The following OBSL1 variants were observed in gnomAD, a reference collection of about 807,000 sequenced individuals.
The protein encoded by OBSL1 is obscurin like cytoskeletal adaptor 1.
OBSL1 carries 160 observed loss-of-function variants against 172.0 expected under a neutral mutation model. The observed-to-expected ratio is 0.93, with a 90% CI of 0.82 to 1.06. The LOEUF is 1.06. OBSL1 is among the 50% of genes least tolerant of loss of function. The pLI is 0.00. For missense variants in OBSL1, 2,681 were observed against 2,715.4 expected (o/e 0.99, Z 0.28); for synonymous variants, 1,200 against 1,196.3 (o/e 1.00, Z -0.06).
Position 219,571,068 on chromosome 2 carries a change from C to T in OBSL1, c.165G>A (p.Ser55=). 1 of 1,465,512 alleles carries T rather than the reference C, an allele frequency of 6.8e-7. No individual in the cohort carries two copies. Among genetic ancestry groups the T allele is most frequent in the East Asian group, 3.0e-5 (1 of 33,612 alleles). 90.8% of individuals were successfully genotyped at this position (1,465,512 alleles called of 1,614,324 possible). ...CGTCCGCCGGGAAGCTCAGGCGTTC[C>T]GAGGCCGCCAGCTGCTGCCCGCCCT... ...WEKGGQQLAA[S]ERLSFPADGA... is the part of the protein sequence containing the mutation. Residue 55 remains serine (S), a synonymous_variant, in exon 1 of 21, where the codon TCG becomes TCA. Transcript: ENST00000404537.
At chr2:219,549,694 C>T (rs768104920), downstream of OBSL1, 2 of 1,611,692 alleles carry the variant, frequency 1.2e-6, no homozygotes, top group African/African-American at 1.3e-5. Context: ...GTGGGACTCA[C>T]ACCTATGTTT....
At chr2:219,556,885 A>G in intron 12 of OBSL1, 162 bp from the exon 13 acceptor site, 2 of 734,282 alleles carry the variant, frequency 2.7e-6, no homozygotes, top group Non-Finnish European at 2.2e-6. Flanking sequence ...ACAAGATGCC[A>G]GCTCCCTGCC....
chr2:219,560,617 G>T (rs1391029467), intron 8 of OBSL1, among the ~76,000 whole-genome samples: 1 of 151,922 alleles, frequency 6.6e-6, no homozygotes, highest in Non-Finnish European at 1.5e-5. Flanking sequence ...GGTTGGGGGG[G>T]TGGGGGCTGG....
chr2:219,566,080 T>C (rs1001288142), intron 5 of OBSL1, among the ~76,000 whole-genome samples: 2 of 152,240 alleles, frequency 1.3e-5, no homozygotes, highest in African/African-American at 4.8e-5. Context: ...ATTCAGCACC[T>C]GTGCTCATTA....
At position 219,563,003 on chromosome 2, in the gene OBSL1, C is replaced by G. The variant is rs1054949463; in HGVS notation, c.2681-329G>C. 7 of 472,640 alleles carry G rather than the reference C, an allele frequency of 1.5e-5. 1 individual carries two copies. The highest frequency in any genetic ancestry group is 1.9e-5 in the African/African-American group (1 of 52,106). The allele number at this position is 472,640 out of a possible 1,614,324, so 29.3% of individuals were successfully genotyped here. The stretch of plus-strand genomic sequence containing the variant: ...ATGAGAGGAGGGTTGGGGGGAGGAG[C>G]TGGGGGTCTCCTCCTCCAAGATGTT... On this transcript the variant is annotated intron_variant, in intron 7 of 20. Transcript: ENST00000404537.
At chr2:219,547,775 G>T (rs369931895), downstream of OBSL1, 5 of 1,594,018 alleles carry the variant, frequency 3.1e-6, no homozygotes, top group Non-Finnish European at 4.2e-6. Context: ...GCCAGGCTCC[G>T]TGTGGGGTCC....
Position 219,556,728 on chromosome 2 carries a change from G to A in OBSL1, c.4067-5C>T. Reference sequence around the variant, plus strand: ...CCAGCTTCACCAGCAGTGGCTCTAAGGGGCACGGTAAGGCAGTGAGCTGGG... The same window carrying A: ...CCAGCTTCACCAGCAGTGGCTCTAAAGGGCACGGTAAGGCAGTGAGCTGGG... On this transcript the variant is annotated splice_polypyrimidine_tract_variant and splice_region_variant and intron_variant, in intron 12 of 20. Transcript: ENST00000404537. 2 of 1,596,516 alleles carry A rather than the reference G, an allele frequency of 1.3e-6. No individual in the cohort carries two copies. The highest frequency in any genetic ancestry group is 1.7e-5 in the Admixed American group (1 of 59,184).
In OBSL1 at chr2:219,558,455, T is replaced by A. The variant is rs748257854; in HGVS notation, c.3231A>T (p.Pro1077=). Residue 1077 remains proline (P), a synonymous_variant, in exon 10 of 21, where the codon CCA becomes CCT. Transcript: ENST00000404537. ...CTGCCGGGTGCACAATCCTCTCTGGTGGGGCTGGTGGGTGGGCATGGAGAG... is the reference window on the plus strand; with the variant it reads ...CTGCCGGGTGCACAATCCTCTCTGGAGGGGCTGGTGGGTGGGCATGGAGAG... The part of the protein sequence containing the change: ...SAFFTVTVTA[P]PERIVHPAAR... 6.4e-7 allele frequency: 1 copy of A among 1,573,016 alleles called. No homozygotes were observed.
In OBSL1 at chr2:219,551,621, C is replaced by T. The variant is rs1559131046; in HGVS notation, c.5591G>A (p.Ser1864Asn). The T allele has an allele frequency of 6.2e-7, 1 of 1,611,608 alleles. No homozygotes were observed. The highest frequency in any genetic ancestry group is 2.2e-5 in the East Asian group (1 of 44,782). ...AGGTCGAACGTCATGGATGACCAGG[C>T]TGTGGGTGGGGCCGTGGCTGCGCAT... ...YEMRSHGPTH[S>N]LVIHDVRPED... The change falls in exon 20 of 21, where the codon AGC becomes AAC. Residue 1864 changes from serine (S) to asparagine (N), a missense_variant. Around this residue, in one of 5 missense-constraint regions of OBSL1, gnomAD observed 1,765 missense variants for 1,748.3 expected, o/e 1.01. Transcript: ENST00000404537.
chr2:219,559,123 G>A (rs905352325), intron 9 of OBSL1, 102 bp downstream of exon 9: 64 of 1,162,072 alleles, frequency 5.5e-5, no homozygotes, highest in Middle Eastern at 4.4e-4. Flanking sequence ...AGCTGGATAA[G>A]GGGAAGGCTG....
intron 8 of OBSL1, chr2:219,562,017 C>T: frequency 1.4e-6 from 1 of 717,486 alleles, no homozygotes; most frequent in South Asian, 1.5e-5. Context: ...CTCTGCAGAC[C>T]AAACAAAGCA....
intron 6 of OBSL1, 46 bp from the exon 7 acceptor site, chr2:219,563,673 T>C: frequency 6.3e-7 from 1 of 1,581,188 alleles, no homozygotes. Flanking sequence ...CCCCGCACAA[T>C]GAGTCCAAAC....
chr2:219,549,259 G>C (rs149471088), downstream of OBSL1: 2 of 1,613,978 alleles, frequency 1.2e-6, no homozygotes, highest in Non-Finnish European at 1.7e-6. Flanking sequence ...TCCCCTCAGA[G>C]GTCCCCGGGC....
In OBSL1 at chr2:219,571,267, G is replaced by A; in HGVS notation, c.-35C>T. ...CGACCGCCTGCAGCGGCGAACGGTG[G>A]GGGGGCAGGGGGGGGTGCGGAGGGC... On this transcript the variant is annotated 5_prime_UTR_variant, in exon 1 of 21. Coordinates refer to ENST00000404537, the MANE Select transcript of OBSL1 (RefSeq NM_015311.3). 8.6e-7 allele frequency: 1 copy of A among 1,163,988 alleles called. No homozygotes were observed. Among genetic ancestry groups the A allele is most frequent in the Non-Finnish European group, 1.1e-6 (1 of 916,432 alleles). The allele number at this position is 1,163,988 out of a possible 1,614,324, so 72.1% of individuals were successfully genotyped here.
chr2:219,557,647 G>A (rs1696128326), intron 11 of OBSL1, 29 bp from the exon 12 acceptor site: 3 of 1,514,152 alleles, frequency 2.0e-6, no homozygotes, highest in South Asian at 1.3e-5. Context: ...AGGTCACTGG[G>A]AGGGAGAGGC....
At chr2:219,566,593 C>A (rs532222463) in intron 5 of OBSL1, among the ~76,000 whole-genome samples, 1 of 152,190 alleles carries the variant, frequency 6.6e-6, no homozygotes, top group East Asian at 1.9e-4. Flanking sequence ...ACAAAGCACT[C>A]CAGAGAATTG....
chr2:219,552,759 TC>T, intron 17 of OBSL1, 62 bp from the exon 18 acceptor site: 2 of 1,511,994 alleles, frequency 1.3e-6, no homozygotes, highest in Non-Finnish European at 1.8e-6. Flanking sequence ...TCACGCCCCC[TC>T]CACGCCCCCT....
At chr2:219,553,054 C>T in intron 16 of OBSL1, 30 bp from the exon 17 acceptor site, 1 of 1,456,106 alleles carries the variant, frequency 6.9e-7, no homozygotes. Flanking sequence ...AGGGTCGGGG[C>T]GAGCCCGGCT....
chr2:219,564,952 A>T (rs762139505), intron 6 of OBSL1, among the ~76,000 whole-genome samples: 5 of 152,168 alleles, frequency 3.3e-5, no homozygotes, highest in Non-Finnish European at 7.3e-5. Context: ...CTGTAGTCCC[A>T]GCTACTTGGG....
Sources: gnomAD v4.1 joint callset for allele counts (sites outside exome capture counted in the v4.1 genomes callset) on GRCh38, gnomAD v4.1.1 for gene constraint, gnomAD v4.1.1 regional missense constraint, MANE v1.5 for transcripts, NCBI Gene and HGNC (gene_info 2026-07-23, HGNC 2026-07-21) for gene names.